The following RAB33A variants were observed in gnomAD, a reference collection of about 807,000 sequenced individuals.
RAB33A encodes ras-related protein Rab-33A.
In RAB33A, 6 loss-of-function variants were observed where a neutral mutation model predicts 12.0. The observed-to-expected ratio is 0.50, with a 90% CI of 0.27 to 0.99. RAB33A has a LOEUF of 0.99. Among genes scored for constraint, RAB33A ranks in the 50% least tolerant of loss-of-function variants. The pLI, the probability that RAB33A is intolerant of heterozygous loss-of-function variation, is 0.11. For synonymous variants in RAB33A, 70 were observed against 82.4 expected (o/e 0.85, Z 0.81); for missense variants, 109 against 192.0 (o/e 0.57, Z 2.55).
the RAB33A span, among the ~76,000 whole-genome samples, chrX:130,153,178 CAAA>C: frequency 2.3e-5 from 1 of 43,901 alleles, no homozygotes; most frequent in Non-Finnish European, 4.2e-5. Context: ...ACTAAAAATA[CAAA>C]AAAAAAAAAA....
chrX:130,181,917 A>C, intron 1 of RAB33A, among the ~76,000 whole-genome samples: 1 of 109,921 alleles, frequency 9.1e-6, no homozygotes, highest in Non-Finnish European at 1.9e-5. Context: ...ACTGCACTCC[A>C]GCCTGGGCGA....
rs758016093 is a variant in RAB33A, at chrX:130,172,044, CCG to C, written c.-18_-17del. On this transcript the variant is annotated 5_prime_UTR_variant, in exon 1 of 2. Coordinates refer to ENST00000257017, the MANE Select transcript of RAB33A (RefSeq NM_004794.3). ...GGAGCCCTCAAGGGGGGTTGGGGCC[CCG>C]GTTCGGTCCGGGGGAGATGGCGCAG... The C allele has an allele frequency of 2.5e-6, 3 of 1,192,406 alleles. No homozygotes were observed. Among genetic ancestry groups the C allele is most frequent in the Admixed American group, 4.6e-5 (2 of 43,109 alleles).
upstream of RAB33A, among the ~76,000 whole-genome samples, chrX:130,169,017 C>A (rs897947306): frequency 3.6e-5 from 4 of 110,036 alleles, no homozygotes; most frequent in Middle Eastern, 4.7e-3. Context: ...ACCAGCCTGG[C>A]TAACACAGTG....
At chrX:130,116,593 C>T in the RAB33A span, among the ~76,000 whole-genome samples, 1 of 112,282 alleles carries the variant, frequency 8.9e-6, no homozygotes, top group Admixed American at 9.4e-5. Context: ...CGCCTGGCCA[C>T]CCCAGGTTCT....
the RAB33A span, chrX:130,165,515 C>T: frequency 8.9e-7 from 1 of 1,127,899 alleles, no homozygotes; most frequent in Non-Finnish European, 1.2e-6. Flanking sequence ...GCGCCAGGCC[C>T]TCGGACTTGG....
At chrX:130,161,531 A>C in the RAB33A span, among the ~76,000 whole-genome samples, 3 of 108,333 alleles carry the variant, frequency 2.8e-5, no homozygotes, top group African/African-American at 6.7e-5. Context: ...AAAAAAAAAA[A>C]ACACAGGACA....
At chrX:130,161,156 AAG>A in the RAB33A span, among the ~76,000 whole-genome samples, 1 of 111,203 alleles carries the variant, frequency 9.0e-6, no homozygotes, top group African/African-American at 3.3e-5. Context: ...CTAAATGGTT[AAG>A]AGATCTATAC....
the RAB33A span, among the ~76,000 whole-genome samples, chrX:130,153,223 G>A: frequency 4.1e-4 from 43 of 103,938 alleles, no homozygotes; most frequent in African/African-American, 1.5e-3. Flanking sequence ...GGTGGCAGGC[G>A]CCTGTAGTCC....
the RAB33A span, chrX:130,165,758 A>G: frequency 2.3e-5 from 15 of 656,541 alleles, no homozygotes; most frequent in South Asian, 2.6e-4. Context: ...GTCTCTTCAC[A>G]CGCACATTAC....
chrX:130,125,282 A>G, the RAB33A span, among the ~76,000 whole-genome samples: 1 of 111,653 alleles, frequency 9.0e-6, no homozygotes, highest in African/African-American at 3.3e-5. Flanking sequence ...TTGGCAGTCC[A>G]GTATCTAAAT....
At chrX:130,151,767 G>A in the RAB33A span, among the ~76,000 whole-genome samples, 1 of 112,283 alleles carries the variant, frequency 8.9e-6, no homozygotes, top group East Asian at 2.8e-4. Context: ...TTAGCCAGGC[G>A]CAGTGGCTGA....
chrX:130,139,877 A>G, the RAB33A span: 1 of 1,204,638 alleles, frequency 8.3e-7, no homozygotes, highest in Non-Finnish European at 1.1e-6. Flanking sequence ...ACCTCCTGGA[A>G]ATAAGAGAAG....
At chrX:130,123,531 G>T in the RAB33A span, among the ~76,000 whole-genome samples, 1 of 109,053 alleles carries the variant, frequency 9.2e-6, no homozygotes, top group Non-Finnish European at 1.9e-5. Context: ...TCTCTATTAA[G>T]AATACAAAAA....
chrX:130,148,018 A>C, the RAB33A span: 2 of 742,366 alleles, frequency 2.7e-6, no homozygotes, highest in Non-Finnish European at 4.1e-6. Flanking sequence ...AATCTTAACA[A>C]TCTTCACAGC....
chrX:130,114,249 G>A, the RAB33A span, among the ~76,000 whole-genome samples: 1 of 111,999 alleles, frequency 8.9e-6, no homozygotes, highest in African/African-American at 3.2e-5. Context: ...CACGGCTTGT[G>A]GGAATCCCAT....
the RAB33A span, among the ~76,000 whole-genome samples, chrX:130,143,846 CAA>C: frequency 1.0e-5 from 1 of 100,363 alleles, no homozygotes; most frequent in Non-Finnish European, 2.0e-5. Context: ...GAATCTGTCT[CAA>C]AAAAAAAAAG....
chrX:130,130,037 A>C, the RAB33A span: 2 of 1,211,655 alleles, frequency 1.7e-6, no homozygotes, highest in Non-Finnish European at 1.1e-6. Flanking sequence ...TTTGTCCCTG[A>C]GGTAGAAGAT....
upstream of RAB33A, among the ~76,000 whole-genome samples, chrX:130,170,968 T>G (rs2031598545): frequency 8.9e-6 from 1 of 112,756 alleles, no homozygotes; most frequent in Non-Finnish European, 1.9e-5. Context: ...TGTGTGGCCC[T>G]CTCCCGCGGC....
chrX:130,165,819 T>G, the RAB33A span: 1 of 518,820 alleles, frequency 1.9e-6, no homozygotes, highest in African/African-American at 2.3e-5. Flanking sequence ...GAAGCCGGCC[T>G]GCTAGAGCCG....
Sources: allele counts gnomAD v4.1 joint callset (sites outside exome capture counted in the v4.1 genomes callset), GRCh38; gene constraint gnomAD v4.1.1; transcripts MANE v1.5; gene names NCBI Gene and HGNC (gene_info 2026-07-23, HGNC 2026-07-21).